PLD5: variants seen among roughly 807,000 people sequenced by gnomAD.
PLD5 encodes the protein inactive phospholipase D5.
Under a neutral mutation model 61.1 loss-of-function variants are expected in PLD5, and 36 were observed. That is an observed-to-expected ratio of 0.59 (90% confidence interval 0.45 to 0.78). The LOEUF (loss-of-function observed/expected upper bound fraction) is 0.78. Ranked by LOEUF, PLD5 falls within the 30% of genes least tolerant of loss-of-function variation. The pLI is 0.00. For missense variants in PLD5, 515 were observed against 644.4 expected (o/e 0.80, Z 2.17); for synonymous variants, 243 against 242.8 (o/e 1.00, Z -0.01).
intron 1 of PLD5, among the ~76,000 whole-genome samples, chr1:242,487,411 T>C (rs1668000079): frequency 6.6e-6 from 1 of 152,152 alleles, no homozygotes; most frequent in South Asian, 2.1e-4. Flanking sequence ...ATCATAGATA[T>C]AGAAACAAAA....
chr1:242,199,190 T>A (rs1476626319), intron 5 of PLD5, among the ~76,000 whole-genome samples: 1 of 152,244 alleles, frequency 6.6e-6, no homozygotes, highest in African/African-American at 2.4e-5. Context: ...ATTCATGGCC[T>A]GGGCATATTC....
chr1:242,303,891 T>C (rs1188128224), intron 2 of PLD5, among the ~76,000 whole-genome samples: 3 of 152,232 alleles, frequency 2.0e-5, no homozygotes, highest in Non-Finnish European at 2.9e-5. Context: ...CTCTAGTGTC[T>C]TGAATCTCAG....
chr1:242,486,884 A>G (rs986827378), intron 1 of PLD5, among the ~76,000 whole-genome samples: 78 of 152,274 alleles, frequency 5.1e-4, no homozygotes, highest in Middle Eastern at 3.4e-3. Flanking sequence ...TGCAGCCATA[A>G]AAAAGGATGA....
chr1:242,499,677 T>C (rs1668489057), intron 1 of PLD5, among the ~76,000 whole-genome samples: 1 of 152,216 alleles, frequency 6.6e-6, no homozygotes, highest in African/African-American at 2.4e-5. Flanking sequence ...TGATCTCTTT[T>C]TAAGGAAGTG....
At chr1:242,436,515 GTTAA>G (rs1381602411) in intron 1 of PLD5, among the ~76,000 whole-genome samples, 2 of 152,130 alleles carry the variant, frequency 1.3e-5, no homozygotes, top group Non-Finnish European at 2.9e-5. Context: ...ACACAACTAT[GTTAA>G]TTATTAAAGA....
intron 1 of PLD5, among the ~76,000 whole-genome samples, chr1:242,381,342 G>A (rs1662264751): frequency 6.6e-6 from 1 of 152,112 alleles, no homozygotes; most frequent in Admixed American, 6.5e-5. Context: ...AGTGGGAGCT[G>A]AACGATACAT....
chr1:242,159,821 T>C (rs1291394344), intron 5 of PLD5, among the ~76,000 whole-genome samples: 1 of 152,178 alleles, frequency 6.6e-6, no homozygotes, highest in African/African-American at 2.4e-5. Flanking sequence ...GTTTATGCAA[T>C]GGAGATGGCT....
chr1:242,334,701 G>GA (rs1390609431), intron 2 of PLD5, among the ~76,000 whole-genome samples: 4 of 151,988 alleles, frequency 2.6e-5, no homozygotes, highest in South Asian at 4.1e-4. Flanking sequence ...ATTTTGAGAT[G>GA]AAAAAAACCT....
At chr1:242,211,310 C>T (rs1669805435) in intron 5 of PLD5, among the ~76,000 whole-genome samples, 1 of 152,156 alleles carries the variant, frequency 6.6e-6, no homozygotes, top group Non-Finnish European at 1.5e-5. Flanking sequence ...TGGCTAAAAG[C>T]AGCCTAATCC....
intron 1 of PLD5, among the ~76,000 whole-genome samples, chr1:242,494,273 G>A (rs925601476): frequency 2.0e-5 from 3 of 151,940 alleles, no homozygotes; most frequent in East Asian, 1.9e-4. Flanking sequence ...CCTATAGAAC[G>A]CCTGTTCTGT....
intron 4 of PLD5, among the ~76,000 whole-genome samples, chr1:242,246,974 CTTTTTTTTTTT>C (rs74466537): frequency 1.5e-5 from 2 of 135,808 alleles, no homozygotes; most frequent in African/African-American, 5.5e-5. Context: ...TTTAGGGATT[CTTTTTTTTTTT>C]TTTTTTTTTT....
At chr1:242,208,837 A>G (rs1669613576) in intron 5 of PLD5, among the ~76,000 whole-genome samples, 1 of 152,228 alleles carries the variant, frequency 6.6e-6, no homozygotes, top group Non-Finnish European at 1.5e-5. Flanking sequence ...CACAATAAAG[A>G]CAGACCAAGA....
At chr1:242,486,396 C>T (rs1239881734) in intron 1 of PLD5, among the ~76,000 whole-genome samples, 49 of 152,080 alleles carry the variant, frequency 3.2e-4, no homozygotes, top group East Asian at 7.7e-4. Context: ...AAAAAGTGGG[C>T]GAAGGATATG....
intron 5 of PLD5, among the ~76,000 whole-genome samples, chr1:242,207,643 T>C (rs917743925): frequency 6.7e-6 from 1 of 150,246 alleles, no homozygotes; most frequent in Non-Finnish European, 1.5e-5. Context: ...TTGAGATTCA[T>C]CCATCAACAC....
rs1322852613 is a variant in PLD5 at position 242,409,628 on chromosome 1, G to C, written c.190-61386C>G. 6.6e-5 allele frequency among the ~76,000 whole-genome samples: 10 copies of C among 152,278 alleles called. 1 individual carries two copies. In the East Asian group the frequency reaches 1.9e-3, roughly 29 times the overall value. ...CCCATACAGAGAGGGAAGGACAGGG[G>C]GCTCCAAACCCCAGAGAGGAAACCA... On this transcript the variant is annotated intron_variant, in intron 1 of 9. Coordinates refer to ENST00000536534, the MANE Select transcript of PLD5 (RefSeq NM_001372062.1).
chr1:242,112,337 G>GA (rs1558233084), intron 7 of PLD5, among the ~76,000 whole-genome samples: 2,044 of 35,944 alleles, frequency 0.057, 66 homozygotes, highest in African/African-American at 0.28. Flanking sequence ...GTATGTATAT[G>GA]TGTATATATA....
In PLD5 at chr1:242,512,875, TC is replaced by T. The variant is rs1245146271; in HGVS notation, c.189+11212del. Among the ~76,000 whole-genome samples the T allele has an allele frequency of 7.8e-3, 1,088 of 139,330 alleles. 47 individuals carry two copies. Among genetic ancestry groups the T allele is most frequent in the Admixed American group, 0.054 (738 of 13,592 alleles). The allele number at this position is 139,330 out of a possible 152,430, so 91.4% of individuals were successfully genotyped here. On this transcript the variant is annotated intron_variant, in intron 1 of 9. Transcript: ENST00000536534. ...TTCCACTGAATTCTTTTTTATTTTT[TC>T]TTTTTTTTTTTTGGAGACAGGGTCT...
chr1:242,134,806 T>A (rs963716857), intron 5 of PLD5, among the ~76,000 whole-genome samples: 1 of 152,216 alleles, frequency 6.6e-6, no homozygotes, highest in Non-Finnish European at 1.5e-5. Context: ...AAAGGAAACC[T>A]GACATCTAGA....
intron 3 of PLD5, among the ~76,000 whole-genome samples, chr1:242,287,752 C>T (rs948448664): frequency 6.6e-6 from 1 of 152,234 alleles, no homozygotes; most frequent in Admixed American, 6.5e-5. Context: ...CATTTTCTTA[C>T]ACCCAGAGCA....
Sources: allele counts gnomAD v4.1 joint callset (sites outside exome capture counted in the v4.1 genomes callset), GRCh38; gene constraint gnomAD v4.1.1; transcripts MANE v1.5; gene names NCBI Gene and HGNC (gene_info 2026-07-23, HGNC 2026-07-21).